The following PRICKLE2 variants were observed in gnomAD, a reference collection of about 807,000 sequenced individuals.
PRICKLE2 encodes prickle-like protein 2.
A neutral mutation model predicts 81.4 loss-of-function variants in PRICKLE2; 21 were observed. The ratio of observed to expected loss-of-function variants is 0.26; its 90% confidence interval spans 0.18 to 0.37. The LOEUF (loss-of-function observed/expected upper bound fraction) is 0.37. PRICKLE2 is among the 10% of genes least tolerant of loss of function. The probability of loss-of-function intolerance (pLI) is 1.00; values close to 1 mark genes in which losing one functional copy is unlikely to be tolerated. For synonymous variants in PRICKLE2, 456 were observed against 421.5 expected, an observed-to-expected ratio of 1.08 and a Z score of -1.00; for missense variants, 940 against 1,109.0, an observed-to-expected ratio of 0.85 and a Z score of 2.16.
chr3:64,130,518 TTACTAGAAGAGAGCA>T (rs2077180916), intron 7 of PRICKLE2, among the ~76,000 whole-genome samples: 1 of 152,086 alleles, frequency 6.6e-6, no homozygotes, highest in South Asian at 2.1e-4. Flanking sequence ...AGGGCAAAGG[TTACTAGAAGAGAGCA>T]TTTTGTGTGC....
chr3:64,260,608 A>G (rs2079602268), intron 2 of PRICKLE2, among the ~76,000 whole-genome samples: 1 of 152,240 alleles, frequency 6.6e-6, no homozygotes. Flanking sequence ...ATGGGTTTTC[A>G]GAAATGCCTG....
chr3:64,118,033 C>G (rs1322115169), intron 7 of PRICKLE2, among the ~76,000 whole-genome samples: 2 of 152,098 alleles, frequency 1.3e-5, no homozygotes, highest in Admixed American at 1.3e-4. Context: ...GAATAGGAAA[C>G]ACAGAAGTAA....
chr3:64,244,107 T>A (rs2079310519), intron 2 of PRICKLE2, among the ~76,000 whole-genome samples: 1 of 152,166 alleles, frequency 6.6e-6, no homozygotes, highest in Non-Finnish European at 1.5e-5. Flanking sequence ...AATGTTAACT[T>A]GCATGGAATC....
At chr3:64,117,180 A>T (rs1013205009) in intron 7 of PRICKLE2, among the ~76,000 whole-genome samples, 1 of 152,214 alleles carries the variant, frequency 6.6e-6, no homozygotes, top group African/African-American at 2.4e-5. Context: ...TCAATAAACT[A>T]GGTACTTAAT....
chr3:64,174,368 T>C (rs2077983203), intron 2 of PRICKLE2: 1 of 152,162 alleles, frequency 6.6e-6, no homozygotes, highest in Non-Finnish European at 1.5e-5. Flanking sequence ...GGATTTAAAG[T>C]GATGAAAAGG....
intron 7 of PRICKLE2, among the ~76,000 whole-genome samples, chr3:64,107,443 C>G (rs1258801871): frequency 6.6e-6 from 1 of 152,140 alleles, no homozygotes; most frequent in Non-Finnish European, 1.5e-5. Flanking sequence ...AAGAAAAAGA[C>G]TAAGATTGAA....
At chr3:64,258,621 C>T (rs2079562103) in intron 2 of PRICKLE2, among the ~76,000 whole-genome samples, 1 of 151,406 alleles carries the variant, frequency 6.6e-6, no homozygotes, top group African/African-American at 2.4e-5. Context: ...GAGATCGAGA[C>T]CATACTGGCT....
Position 64,147,405 on chromosome 3 carries a change from G to A in PRICKLE2, c.1085C>T (p.Ser362Phe). The change falls in exon 7 of 8, where the codon TCT becomes TTT. Residue 362 changes from serine (S) to phenylalanine (F), a missense_variant. By Grantham distance (155) the Ser-to-Phe change is radical. This residue lies in a region of PRICKLE2 where 670 missense variants were observed against 717.2 expected (regional missense o/e 0.93). Coordinates refer to ENST00000638394, the MANE Select transcript of PRICKLE2 (RefSeq NM_198859.4). This position sits in a 1 kb window ranked among gnomAD's most constrained non-coding sequence, Gnocchi z 5.0. The part of the protein sequence containing the change: ...LNQHSQLQVS[S>F]NRLSADVDPL... The stretch of plus-strand genomic sequence containing the variant: ...GTCTACGTCGGCTGACAGCCGGTTA[G>A]AACTCACTTGCAGCTGGCTGTGCTG... 6.2e-7 allele frequency: 1 copy of A among 1,614,252 alleles called. No homozygotes were observed.
intron 7 of PRICKLE2, among the ~76,000 whole-genome samples, chr3:64,142,690 T>A (rs1050801601): frequency 6.6e-6 from 1 of 152,082 alleles, no homozygotes; most frequent in African/African-American, 2.4e-5. Flanking sequence ...CCACAACAGG[T>A]CAAAACTTGA....
intron 7 of PRICKLE2, among the ~76,000 whole-genome samples, chr3:64,126,057 T>G (rs182195324): frequency 7.2e-5 from 11 of 152,284 alleles, no homozygotes; most frequent in African/African-American, 2.6e-4. Context: ...CAATTTTAAT[T>G]TATACATTAT....
At position 64,108,597 on chromosome 3, in the gene PRICKLE2, G is replaced by A. The variant is rs181310004; in HGVS notation, c.1661-8672C>T. Reference sequence around the variant, plus strand: ...AAAGTGTGATCTGTGGACCAGCCACGATGCCATCCCTTGGGAGCTGGTTGC... The same window carrying A: ...AAAGTGTGATCTGTGGACCAGCCACAATGCCATCCCTTGGGAGCTGGTTGC... On this transcript the variant is annotated intron_variant, in intron 7 of 7. Coordinates refer to ENST00000638394, the MANE Select transcript of PRICKLE2 (RefSeq NM_198859.4). Among the ~76,000 whole-genome samples, 7 of 152,244 alleles carry A rather than the reference G, an allele frequency of 4.6e-5. No individual in the cohort carries two copies. The East Asian group carries it at 1.2e-3, about 25-fold the overall frequency.
chr3:64,242,398 C>A (rs1179795479), intron 2 of PRICKLE2, among the ~76,000 whole-genome samples: 1 of 152,162 alleles, frequency 6.6e-6, no homozygotes, highest in East Asian at 1.9e-4. Flanking sequence ...TCCCAACCCC[C>A]TTTCTTCAAC....
At position 64,099,565 on chromosome 3, in the gene PRICKLE2, G is replaced by A; in HGVS notation, c.2021C>T (p.Thr674Ile). Reference protein sequence around the residue: ...PMSERTRRRATSRDDNRRFRP... With the variant: ...PMSERTRRRAISRDDNRRFRP... Reference sequence around the variant, plus strand: ...GAAACGGCGGTTGTCGTCGCGTGAAGTAGCTCTTCTCCGGGTGCGTTCACT... The same window carrying A: ...GAAACGGCGGTTGTCGTCGCGTGAAATAGCTCTTCTCCGGGTGCGTTCACT... The change falls in exon 8 of 8, where the codon ACT becomes ATT. Residue 674 changes from threonine (T) to isoleucine (I), a missense_variant. Around this residue, in one of 2 missense-constraint regions of PRICKLE2, gnomAD observed 670 missense variants for 717.2 expected, o/e 0.93. Transcript: ENST00000638394. This position sits in a 1 kb window ranked among gnomAD's most constrained non-coding sequence, Gnocchi z 4.3. 1 of 1,612,498 alleles carries A rather than the reference G, an allele frequency of 6.2e-7. No individual in the cohort carries two copies. Among genetic ancestry groups the A allele is most frequent in the Non-Finnish European group, 8.5e-7 (1 of 1,178,836 alleles).
chr3:64,185,033 T>C (rs918535540), intron 2 of PRICKLE2, among the ~76,000 whole-genome samples: 2 of 152,182 alleles, frequency 1.3e-5, no homozygotes, highest in Non-Finnish European at 2.9e-5. Flanking sequence ...ATAACTTACA[T>C]AATGATGGAA....
rs2077367104 is a variant in PRICKLE2, at chr3:64,141,829, T to C, written c.1660+5001A>G. On this transcript the variant is annotated intron_variant, in intron 7 of 7. Transcript: ENST00000638394. Reference sequence around the variant, plus strand: ...GATTAAACACTACAGACTTATTCAATAACATAAGTTACTGACCATGGAAGA... The same window carrying C: ...GATTAAACACTACAGACTTATTCAACAACATAAGTTACTGACCATGGAAGA... 11 of 985,194 alleles carry C rather than the reference T, an allele frequency of 1.1e-5. No homozygotes were observed. The South Asian group carries it at 4.2e-4, about 38-fold the overall frequency. 61.0% of individuals were successfully genotyped at this position (985,194 alleles called of 1,614,324 possible). A position where few individuals can be genotyped will look rare whatever the true frequency, so the allele number is the denominator to read the frequency against.
At chr3:64,137,645 T>G (rs2077297980) in intron 7 of PRICKLE2, among the ~76,000 whole-genome samples, 1 of 152,162 alleles carries the variant, frequency 6.6e-6, no homozygotes, top group Non-Finnish European at 1.5e-5. Context: ...CTGAGCTCTC[T>G]TCCAACTGCC....
intron 1 of PRICKLE2, among the ~76,000 whole-genome samples, chr3:64,213,059 T>C (rs2078814420): frequency 6.6e-6 from 1 of 151,496 alleles, no homozygotes; most frequent in Admixed American, 6.6e-5. Context: ...AAGGTCATAC[T>C]AATGACTGTT....
chr3:64,222,597 T>TAGGC (rs1199555265), intron 1 of PRICKLE2, among the ~76,000 whole-genome samples: 13 of 152,074 alleles, frequency 8.5e-5, no homozygotes, highest in Non-Finnish European at 1.5e-4. Flanking sequence ...TGGGCCATGG[T>TAGGC]AGGCAGGCAG....
In PRICKLE2 at chr3:64,153,475, C is replaced by G. The variant is rs751929219; in HGVS notation, c.601-107G>C. On this transcript the variant is annotated intron_variant, in intron 5 of 7. Coordinates refer to ENST00000638394, the MANE Select transcript of PRICKLE2 (RefSeq NM_198859.4). ...AACTAGAAGGGTAAGAAAGCAGATC[C>G]TACTCACAAATAATTAAACAAAAAT... 1.7e-4 allele frequency: 178 copies of G among 1,038,120 alleles called. 1 individual carries two copies. Among genetic ancestry groups the G allele is most frequent in the Non-Finnish European group, 2.4e-4 (166 of 681,354 alleles). 64.3% of individuals were successfully genotyped at this position (1,038,120 alleles called of 1,614,324 possible).
Sources: gnomAD v4.1 joint callset for allele counts (sites outside exome capture counted in the v4.1 genomes callset) on GRCh38, gnomAD v4.1.1 for gene constraint, gnomAD v4.1.1 regional missense constraint, Gnocchi (gnomAD v3.1) non-coding constraint, MANE v1.5 for transcripts, NCBI Gene and HGNC (gene_info 2026-07-23, HGNC 2026-07-21) for gene names.